The following FER1L5 variants were observed in gnomAD, a reference collection of about 807,000 sequenced individuals.
The protein encoded by FER1L5 is fer-1 like family member 5.
FER1L5 carries 187 observed loss-of-function variants against 279.9 expected under a neutral mutation model. The observed-to-expected ratio is 0.67, with a 90% CI of 0.59 to 0.75. FER1L5 has a LOEUF of 0.75. Ranked by LOEUF, FER1L5 falls within the 30% of genes least tolerant of loss-of-function variation. The pLI is 0.00. For missense variants in FER1L5, 2,091 were observed against 2,594.4 expected (o/e 0.81, Z 4.21); for synonymous variants, 921 against 989.7 (o/e 0.93, Z 1.30).
chr2:96,668,299 G>T (rs944841257), intron 14 of FER1L5, among the ~76,000 whole-genome samples: 1 of 152,112 alleles, frequency 6.6e-6, no homozygotes, highest in African/African-American at 2.4e-5. Flanking sequence ...CTACGCAGGA[G>T]GATTGCTTTT....
chr2:96,698,676 T>C lies in FER1L5; in HGVS notation c.4362T>C (p.Leu1454=). The part of the protein sequence containing the change: ...DSPVVGEFKG[L]FRIYPFPENP... ...CAACACCCTCCCCCCGCCAGGGCCT[T>C]TTCCGCATCTACCCCTTTCCTGAGA... The change falls in exon 41 of 53, where the codon CTT becomes CTC. Residue 1454 remains leucine (L), a synonymous_variant. Transcript: ENST00000624922. This position sits in a 1 kb window ranked among gnomAD's most constrained non-coding sequence, Gnocchi z 5.5. 2 of 1,585,552 alleles carry C rather than the reference T, an allele frequency of 1.3e-6. No homozygotes were observed. The highest frequency in any genetic ancestry group is 1.7e-6 in the Non-Finnish European group (2 of 1,166,468).
rs1051579171 is a variant in FER1L5, at chr2:96,684,408, G to A, written c.1751G>A (p.Arg584His). The change falls in exon 20 of 53, where the codon CGC becomes CAC. Residue 584 changes from arginine (R) to histidine (H), a missense_variant. By Grantham distance (29) the Arg-to-His change is conservative (BLOSUM62 0). Coordinates refer to ENST00000624922, the MANE Select transcript of FER1L5 (RefSeq NM_001293083.2). ...TCCAACTGGGAGGACGTCAGCTTCC[G>A]CATGAACTGCCTCAACCTCCTCCAC... Reference protein sequence around the residue: ...VTSNWEDVSFRMNCLNLLHFT... With the variant: ...VTSNWEDVSFHMNCLNLLHFT... 13 of 1,551,620 alleles carry A rather than the reference G, an allele frequency of 8.4e-6. No homozygotes were observed. The highest frequency in any genetic ancestry group is 2.4e-5 in the South Asian group (2 of 84,058).
chr2:96,645,514 G>A (rs560718239), intron 1 of FER1L5, among the ~76,000 whole-genome samples: 11 of 152,294 alleles, frequency 7.2e-5, no homozygotes, highest in Admixed American at 3.9e-4. Context: ...TGGGCCGAGC[G>A]CGGTGGCTTT....
Position 96,695,824 on chromosome 2 carries a change from C to G in FER1L5, c.3977C>G (p.Thr1326Arg). 1.2e-6 allele frequency: 2 copies of G among 1,613,088 alleles called. No homozygotes were observed. Among genetic ancestry groups the G allele is most frequent in the Non-Finnish European group, 8.5e-7 (1 of 1,179,534 alleles). ...DNWAFGQQTV[T>R]GQANIDFLQP... is the part of the protein sequence containing the mutation. Reference sequence around the variant, plus strand: ...TGGGCCTTCGGCCAGCAGACCGTGACGGGCCAGGCCAACATCGACTTCCTC... The same window carrying G: ...TGGGCCTTCGGCCAGCAGACCGTGAGGGGCCAGGCCAACATCGACTTCCTC... The change falls in exon 36 of 53, where the codon ACG (threonine) becomes AGG (arginine). Residue 1326 changes from threonine (T) to arginine (R), a missense_variant. Coordinates refer to ENST00000624922, the MANE Select transcript of FER1L5 (RefSeq NM_001293083.2).
intron 17 of FER1L5, among the ~76,000 whole-genome samples, chr2:96,669,507 G>T (rs2076246225): frequency 1.3e-5 from 2 of 152,202 alleles, no homozygotes; most frequent in Non-Finnish European, 2.9e-5. Context: ...CTTAAACCCA[G>T]GGAAAAACAA....
At chr2:96,648,100 C>T (rs549939569) in intron 4 of FER1L5, among the ~76,000 whole-genome samples, 2 of 152,310 alleles carry the variant, frequency 1.3e-5, no homozygotes, top group East Asian at 3.9e-4. Flanking sequence ...ACCACTGTGC[C>T]AGGCCCTGTG....
chr2:96,697,806 G>A, intron 39 of FER1L5, 45 bp downstream of exon 39: 1 of 1,598,852 alleles, frequency 6.3e-7, no homozygotes, highest in Non-Finnish European at 8.6e-7. Context: ...TCTCCCACTG[G>A]AGGAGGCCAG....
At chr2:96,654,871 C>T (rs2075535147) in intron 9 of FER1L5, 1 of 151,010 alleles carries the variant, frequency 6.6e-6, no homozygotes, top group Non-Finnish European at 1.4e-5. Flanking sequence ...TGCACTCCAG[C>T]CTGGGCGACA....
rs914070209 is a variant in FER1L5 at position 96,691,289 on chromosome 2, G to A, written c.2843G>A (p.Arg948His). 2.6e-5 allele frequency: 40 copies of A among 1,550,472 alleles called. No individual in the cohort carries two copies. Among genetic ancestry groups the A allele is most frequent in the Admixed American group, 1.4e-4 (7 of 50,976 alleles). ...YHSCRRRRWA[R>H]VRFRNHGELS... Reference sequence around the variant, plus strand: ...TCGTGCCGCCGCCGGCGCTGGGCGCGTGTGCGCTTCAGGAACCATGGGGAG... The same window carrying A: ...TCGTGCCGCCGCCGGCGCTGGGCGCATGTGCGCTTCAGGAACCATGGGGAG... The change falls in exon 28 of 53, where the codon CGT becomes CAT. Residue 948 changes from arginine to histidine, a missense_variant. Arg to His is a conservative substitution (Grantham distance 29). Coordinates refer to ENST00000624922, the MANE Select transcript of FER1L5 (RefSeq NM_001293083.2). The surrounding 1 kb of genome is among the most constrained non-coding windows in gnomAD (Gnocchi z 6.0).
chr2:96,698,170 C>A lies in FER1L5; in HGVS notation c.4356+14C>A, dbSNP rs929170884. On this transcript the variant is annotated intron_variant, in intron 40 of 52. Coordinates refer to ENST00000624922, the MANE Select transcript of FER1L5 (RefSeq NM_001293083.2). The surrounding 1 kb of genome is among the most constrained non-coding windows in gnomAD (Gnocchi z 5.5). ...GGGGAGTTCAAGGTGTGTGTCCACC[C>A]CAGCTTAGCTGCCCCTGTCTCCTTG... 4 of 1,551,662 alleles carry A rather than the reference C, an allele frequency of 2.6e-6. No homozygotes were observed. Among genetic ancestry groups the A allele is most frequent in the South Asian group, 1.2e-5 (1 of 83,896 alleles).
chr2:96,701,783 G>T (rs2077594559), intron 45 of FER1L5, among the ~76,000 whole-genome samples, 172 bp from the exon 46 acceptor site: 2 of 152,270 alleles, frequency 1.3e-5, no homozygotes, highest in East Asian at 1.9e-4. Flanking sequence ...CAAAAGAAAG[G>T]GGGAAGCTGG....
At chr2:96,681,978 G>T (rs1286542425) in intron 19 of FER1L5, among the ~76,000 whole-genome samples, 2 of 151,782 alleles carry the variant, frequency 1.3e-5, no homozygotes, top group South Asian at 2.1e-4. Context: ...TAGAGACGGG[G>T]TTTCACCATG....
intron 9 of FER1L5, chr2:96,654,960 T>G (rs1270835253): frequency 6.7e-6 from 1 of 149,580 alleles, no homozygotes; most frequent in Non-Finnish European, 1.5e-5. Context: ...ACCAACTGGG[T>G]GACTTAAACA....
Position 96,669,961 on chromosome 2 carries a change from G to A in FER1L5, c.1363-158G>A, listed in dbSNP as rs546225634. Among the ~76,000 whole-genome samples, 13 of 152,324 alleles carry A rather than the reference G, an allele frequency of 8.5e-5. No individual in the cohort carries two copies. The South Asian group carries it at 1.4e-3, about 17-fold the overall frequency. ...GCTCAATGCCCAGAGGTTTCCCGGC[G>A]TGGAGGTTTCTGGAATTCTTCTCCG... is the stretch of plus-strand genomic sequence containing the variant. On this transcript the variant is annotated intron_variant, in intron 17 of 52. Coordinates refer to ENST00000624922, the MANE Select transcript of FER1L5 (RefSeq NM_001293083.2).
At chr2:96,646,862 C>G (rs1440723526) in intron 2 of FER1L5, among the ~76,000 whole-genome samples, 1 of 152,206 alleles carries the variant, frequency 6.6e-6, no homozygotes, top group Non-Finnish European at 1.5e-5. Context: ...TACTGCAGTT[C>G]AAGTCACAGA....
At chr2:96,676,636 T>G (rs1026045857) in intron 19 of FER1L5, among the ~76,000 whole-genome samples, 23 of 151,824 alleles carry the variant, frequency 1.5e-4, no homozygotes, top group African/African-American at 3.6e-4. Context: ...TTTTTGTTTT[T>G]TTTTTTTTTT....
intron 9 of FER1L5, among the ~76,000 whole-genome samples, chr2:96,659,290 TTTCC>T (rs1179676955): frequency 2.2e-3 from 176 of 80,986 alleles, no homozygotes; most frequent in Middle Eastern, 5.8e-3. Context: ...TTTATCAAGC[TTTCC>T]TTCCTTCCTT....
At chr2:96,669,662 C>G (rs1192998478) in intron 17 of FER1L5, among the ~76,000 whole-genome samples, 1 of 152,160 alleles carries the variant, frequency 6.6e-6, no homozygotes, top group East Asian at 1.9e-4. Context: ...ACTCTCCTTC[C>G]CCCCTGCCTC....
Position 96,689,471 on chromosome 2 carries a change from G to A in FER1L5, c.2525+95G>A. ...AGAAAGATGGGTACCTAGCCCCTAAGCCTGGTGCCAGAGGGCCGAGGTGCA... is the reference window on the plus strand; with the variant it reads ...AGAAAGATGGGTACCTAGCCCCTAAACCTGGTGCCAGAGGGCCGAGGTGCA... On this transcript the variant is annotated intron_variant, in intron 25 of 52. Coordinates refer to ENST00000624922, the MANE Select transcript of FER1L5 (RefSeq NM_001293083.2). The surrounding 1 kb of genome is among the most constrained non-coding windows in gnomAD (Gnocchi z 4.6). 1 of 1,520,118 alleles carries A rather than the reference G, an allele frequency of 6.6e-7. No homozygotes were observed. The highest frequency in any genetic ancestry group is 1.2e-5 in the South Asian group (1 of 80,776). 94.2% of individuals were successfully genotyped at this position (1,520,118 alleles called of 1,614,324 possible). A position where few individuals can be genotyped will look rare whatever the true frequency, so the allele number is the denominator to read the frequency against.
Sources: gnomAD v4.1 joint callset for allele counts (sites outside exome capture counted in the v4.1 genomes callset) on GRCh38, gnomAD v4.1.1 for gene constraint, Gnocchi (gnomAD v3.1) non-coding constraint, MANE v1.5 for transcripts, NCBI Gene and HGNC (gene_info 2026-07-23, HGNC 2026-07-21) for gene names.